The following ZFYVE1 variants were observed in gnomAD, a reference collection of about 807,000 sequenced individuals.
The protein encoded by ZFYVE1 is zinc finger FYVE domain-containing protein 1.
ZFYVE1 carries 30 observed loss-of-function variants against 74.4 expected under a neutral mutation model. That is an observed-to-expected ratio of 0.40 (90% CI 0.30 to 0.55). The LOEUF is 0.55. ZFYVE1 is among the 20% of genes least tolerant of loss of function. The probability of loss-of-function intolerance (pLI) is 0.42; values close to 1 mark genes in which losing one functional copy is unlikely to be tolerated. For synonymous variants in ZFYVE1, 335 were observed against 385.1 expected (o/e 0.87, Z 1.52); for missense variants, 703 against 1,011.6 (o/e 0.69, Z 4.14).
intron 3 of ZFYVE1, among the ~76,000 whole-genome samples, chr14:72,993,576 G>A (rs117443464): frequency 0.049 from 6,049 of 124,338 alleles, 209 homozygotes; most frequent in East Asian, 0.21. Context: ...GCGCATGCCT[G>A]TAATCCCTAC....
chr14:72,992,489 T>C (rs1893635996), intron 4 of ZFYVE1, among the ~76,000 whole-genome samples: 1 of 152,130 alleles, frequency 6.6e-6, no homozygotes, highest in African/African-American at 2.4e-5. Flanking sequence ...GTGTAAGGAT[T>C]AAGTGAACTA....
chr14:72,969,447 G>C (rs909436634), downstream of ZFYVE1: 2 of 438,624 alleles, frequency 4.6e-6, no homozygotes, highest in South Asian at 9.0e-5. Flanking sequence ...CAGCACAGTC[G>C]AGATGCAGGA....
intron 2 of ZFYVE1, among the ~76,000 whole-genome samples, chr14:73,006,753 T>TCGCCC (rs1314777630): frequency 7.5e-6 from 1 of 133,024 alleles, no homozygotes; most frequent in Non-Finnish European, 1.6e-5. Flanking sequence ...TCTAACTCTG[T>TCGCCC]CGCCCAGGCT....
rs1894481253 is a variant in ZFYVE1, at chr14:73,027,091, A to G, written c.-600T>C. On this transcript the variant is annotated 5_prime_UTR_variant, in exon 1 of 12. Coordinates refer to ENST00000556143, the MANE Select transcript of ZFYVE1 (RefSeq NM_021260.4). ...TCCTCCTCTCCTGTTGTCAGTTGGG[A>G]TCAGCTGATCGGAGTGAACTTCTCC... The G allele has an allele frequency of 2.5e-6, 1 of 398,888 alleles. No homozygotes were observed. 24.7% of individuals were successfully genotyped at this position (398,888 alleles called of 1,614,324 possible). A position where few individuals can be genotyped will look rare whatever the true frequency, so the allele number is the denominator to read the frequency against.
intron 4 of ZFYVE1, among the ~76,000 whole-genome samples, chr14:72,990,936 G>A (rs1009425159): frequency 1.3e-5 from 2 of 151,702 alleles, no homozygotes; most frequent in Admixed American, 6.6e-5. Context: ...CTAGCCTCAC[G>A]TGACCTGCCC....
Position 72,974,452 on chromosome 14 carries a change from C to T in ZFYVE1, c.1988-259G>A, listed in dbSNP as rs889540617. 2.6e-4 allele frequency among the ~76,000 whole-genome samples: 39 copies of T among 152,236 alleles called. 2 individuals carry two copies. In the South Asian group the frequency reaches 6.2e-3, roughly 24 times the overall value. On this transcript the variant is annotated intron_variant, in intron 10 of 11. Coordinates refer to ENST00000556143, the MANE Select transcript of ZFYVE1 (RefSeq NM_021260.4). Reference sequence around the variant, plus strand: ...AAGTAAGGCAGAAAGGTTCTAGGAGCGAAAACTAGAACCTTCTCAAAGGAG... The same window carrying T: ...AAGTAAGGCAGAAAGGTTCTAGGAGTGAAAACTAGAACCTTCTCAAAGGAG...
intron 2 of ZFYVE1, among the ~76,000 whole-genome samples, chr14:73,020,641 C>T (rs1303874342): frequency 2.0e-5 from 3 of 152,140 alleles, no homozygotes; most frequent in African/African-American, 7.2e-5. Flanking sequence ...CGTGAGCCAT[C>T]GCGCCCGGTC....
rs1449553111 is a variant in ZFYVE1 at position 73,024,505 on chromosome 14, T to G, written c.4A>C (p.Ser2Arg). Residue 2 changes from serine to arginine, a missense_variant, in exon 2 of 12, where the codon AGT becomes CGT. Ser to Arg is a moderately radical substitution (Grantham distance 110). Around this residue, in one of 2 missense-constraint regions of ZFYVE1, gnomAD observed 211 missense variants for 221.7 expected, o/e 0.95. Coordinates refer to ENST00000556143, the MANE Select transcript of ZFYVE1 (RefSeq NM_021260.4). ...TTCTCTGCTGGGGAAGTCTGGGCACTCATACTCACGCTGGTAAGGAAACAC... is the reference window on the plus strand; with the variant it reads ...TTCTCTGCTGGGGAAGTCTGGGCACGCATACTCACGCTGGTAAGGAAACAC... M[S>R]AQTSPAEKGL... 3.8e-6 allele frequency: 6 copies of G among 1,597,576 alleles called. No individual in the cohort carries two copies. In the African/African-American group the frequency reaches 8.0e-5, roughly 21 times the overall value.
chr14:72,975,839 G>A lies in ZFYVE1; in HGVS notation c.1636-118C>T. 1 of 1,200,294 alleles carries A rather than the reference G, an allele frequency of 8.3e-7. No homozygotes were observed. The highest frequency in any genetic ancestry group is 1.2e-6 in the Non-Finnish European group (1 of 851,988). 74.4% of individuals were successfully genotyped at this position (1,200,294 alleles called of 1,614,324 possible). On this transcript the variant is annotated intron_variant, in intron 8 of 11. Coordinates refer to ENST00000556143, the MANE Select transcript of ZFYVE1 (RefSeq NM_021260.4). This position sits in a 1 kb window ranked among gnomAD's most constrained non-coding sequence, Gnocchi z 4.1. ...GCCAACTCAGAACCACTAACTCCCT[G>A]GCAGGGAAGAACGGAGACACACCAG...
At position 72,975,202 on chromosome 14, in the gene ZFYVE1, C is replaced by T. The variant is rs558637707; in HGVS notation, c.1807-243G>A. 6.2e-5 allele frequency: 33 copies of T among 528,398 alleles called. No individual in the cohort carries two copies. In the South Asian group the frequency reaches 8.0e-4, roughly 13 times the overall value. 32.7% of individuals were successfully genotyped at this position (528,398 alleles called of 1,614,324 possible). On this transcript the variant is annotated intron_variant, in intron 9 of 11. Transcript: ENST00000556143. The surrounding 1 kb of genome is among the most constrained non-coding windows in gnomAD (Gnocchi z 4.1). Reference sequence around the variant, plus strand: ...TGCTCTCTTGCTCTGGGTGCTGTAGCGTTAATGGATCAAGCTGAGGATGAC... The same window carrying T: ...TGCTCTCTTGCTCTGGGTGCTGTAGTGTTAATGGATCAAGCTGAGGATGAC...
In ZFYVE1 at chr14:72,981,758, G is replaced by C. The variant is rs779088977; in HGVS notation, c.1310+31C>G. The C allele has an allele frequency of 1.9e-6, 3 of 1,595,094 alleles. No homozygotes were observed. In the South Asian group the frequency reaches 3.3e-5, roughly 18 times the overall value. On this transcript the variant is annotated intron_variant, in intron 5 of 11. Transcript: ENST00000556143. ...TCAAAGGCTCTATTCTCAAGGTATG[G>C]GGTGGGAGGTGGGGGAGCGGCCTTA...
At chr14:73,015,298 A>AAGGAAGGGAGGG (rs1894171008) in intron 2 of ZFYVE1, among the ~76,000 whole-genome samples, 7 of 71,910 alleles carry the variant, frequency 9.7e-5, no homozygotes, top group Admixed American at 1.6e-4. Context: ...GGAAGGAAAG[A>AAGGAAGGGAGGG]AGGGAGGGAG....
At chr14:72,988,740 G>A (rs911346978) in intron 4 of ZFYVE1, among the ~76,000 whole-genome samples, 17 of 149,758 alleles carry the variant, frequency 1.1e-4, no homozygotes. Flanking sequence ...CTGGGAGTCA[G>A]AGGTTTCAGT....
chr14:73,002,095 C>CAA (rs1365998770), intron 2 of ZFYVE1, among the ~76,000 whole-genome samples: 4 of 152,034 alleles, frequency 2.6e-5, no homozygotes, highest in African/African-American at 9.7e-5. Flanking sequence ...GTAACAACAA[C>CAA]AAAAAAGAAT....
chr14:73,024,583 G>C lies in ZFYVE1; in HGVS notation c.-75C>G. On this transcript the variant is annotated 5_prime_UTR_variant, in exon 2 of 12. Coordinates refer to ENST00000556143, the MANE Select transcript of ZFYVE1 (RefSeq NM_021260.4). Reference sequence around the variant, plus strand: ...GCCCCGGGGGTGAAGACGAAGATTTGAGTCTGAAGACTGCACGAAACTTCC... The same window carrying C: ...GCCCCGGGGGTGAAGACGAAGATTTCAGTCTGAAGACTGCACGAAACTTCC... 2.0e-6 allele frequency: 3 copies of C among 1,512,538 alleles called. No individual in the cohort carries two copies. The highest frequency in any genetic ancestry group is 2.7e-6 in the Non-Finnish European group (3 of 1,131,510). 93.7% of individuals were successfully genotyped at this position (1,512,538 alleles called of 1,614,324 possible). A position where few individuals can be genotyped will look rare whatever the true frequency, so the allele number is the denominator to read the frequency against.
intron 5 of ZFYVE1, 30 bp downstream of exon 5, chr14:72,981,759 G>A (rs748152663): frequency 6.3e-7 from 1 of 1,595,832 alleles, no homozygotes; most frequent in South Asian, 1.1e-5. Context: ...CAAGGTATGG[G>A]GTGGGAGGTG....
chr14:72,975,451 T>C lies in ZFYVE1; in HGVS notation c.1806+100A>G. On this transcript the variant is annotated intron_variant, in intron 9 of 11. Transcript: ENST00000556143. The surrounding 1 kb of genome is among the most constrained non-coding windows in gnomAD (Gnocchi z 4.1). Reference sequence around the variant, plus strand: ...CAGAGCTCACTGCACTGGCAGAAAATGTTTGCGTCTCCCTCACAGAACAAG... The same window carrying C: ...CAGAGCTCACTGCACTGGCAGAAAACGTTTGCGTCTCCCTCACAGAACAAG... 6.9e-7 allele frequency: 1 copy of C among 1,443,984 alleles called. No homozygotes were observed. The highest frequency in any genetic ancestry group is 9.3e-7 in the Non-Finnish European group (1 of 1,078,234). The allele number at this position is 1,443,984 out of a possible 1,614,324, so 89.4% of individuals were successfully genotyped here. A position where few individuals can be genotyped will look rare whatever the true frequency, so the allele number is the denominator to read the frequency against.
At chr14:73,021,746 CTTTACAAACA>C (rs1894323534) in intron 2 of ZFYVE1, among the ~76,000 whole-genome samples, 1 of 152,006 alleles carries the variant, frequency 6.6e-6, no homozygotes, top group Non-Finnish European at 1.5e-5. Flanking sequence ...TGGGAAGAAT[CTTTACAAACA>C]ATCCAATTAT....
chr14:73,010,966 G>C (rs898142374), intron 2 of ZFYVE1, among the ~76,000 whole-genome samples: 6 of 151,518 alleles, frequency 4.0e-5, no homozygotes, highest in Admixed American at 3.3e-4. Context: ...CCCCAATAAC[G>C]TATAGATACT....
Sources: allele counts gnomAD v4.1 joint callset (sites outside exome capture counted in the v4.1 genomes callset), GRCh38; gene constraint gnomAD v4.1.1; regional missense constraint gnomAD v4.1.1; non-coding constraint Gnocchi (gnomAD v3.1); transcripts MANE v1.5; gene names NCBI Gene and HGNC (gene_info 2026-07-23, HGNC 2026-07-21).